The following NOTCH2 variants were observed in gnomAD, a reference collection of about 807,000 sequenced individuals.
NOTCH2 encodes the protein notch receptor 2.
A neutral mutation model predicts 235.8 loss-of-function variants in NOTCH2; 29 were observed. That is an observed-to-expected ratio of 0.12 (90% CI 0.09 to 0.17). The LOEUF (loss-of-function observed/expected upper bound fraction) is 0.17, where lower values mean the gene tolerates loss of function less well. NOTCH2 is among the 10% of genes least tolerant of loss of function. The probability of loss-of-function intolerance (pLI) is 1.00; values close to 1 mark genes in which losing one functional copy is unlikely to be tolerated. For missense variants in NOTCH2, 2,285 were observed against 3,150.2 expected (o/e 0.73, Z 6.57); for synonymous variants, 1,086 against 1,141.5 (o/e 0.95, Z 0.98).
chr1:119,948,325 T>C, intron 17 of NOTCH2, 89 bp downstream of exon 17: 1 of 1,447,632 alleles, frequency 6.9e-7, no homozygotes, highest in East Asian at 2.3e-5. Flanking sequence ...ATGTCAGGCG[T>C]GAAAGGCGGC....
At chr1:119,921,125 C>T (rs1649272522) in intron 29 of NOTCH2, among the ~76,000 whole-genome samples, 1 of 152,218 alleles carries the variant, frequency 6.6e-6, no homozygotes, top group African/African-American at 2.4e-5. Flanking sequence ...CTGATATTAA[C>T]TAAAGCAATC....
At chr1:119,943,788 T>C (rs1405874831) in intron 17 of NOTCH2, among the ~76,000 whole-genome samples, 3 of 152,072 alleles carry the variant, frequency 2.0e-5, no homozygotes, top group Non-Finnish European at 4.4e-5. Context: ...CAATAAAATA[T>C]GGTCAATTAT....
chr1:120,023,409 C>T (rs1653711241), intron 2 of NOTCH2, among the ~76,000 whole-genome samples: 1 of 149,442 alleles, frequency 6.7e-6, no homozygotes, highest in South Asian at 2.2e-4. Flanking sequence ...TGCACTCCAG[C>T]CTGGGCCACA....
chr1:119,984,359 C>A (rs1493694), intron 5 of NOTCH2, among the ~76,000 whole-genome samples: 11 of 152,152 alleles, frequency 7.2e-5, no homozygotes, highest in African/African-American at 2.7e-4. Context: ...CCAACCACTA[C>A]GGGTCTTGGG....
chr1:119,981,698 G>T (rs1553201664), intron 5 of NOTCH2, among the ~76,000 whole-genome samples: 1 of 152,068 alleles, frequency 6.6e-6, no homozygotes, highest in Non-Finnish European at 1.5e-5. Flanking sequence ...CTGGGGCAAG[G>T]GTGCTTCAGG....
At chr1:120,002,288 C>T (rs1323910147) in intron 3 of NOTCH2, among the ~76,000 whole-genome samples, 19 of 151,954 alleles carry the variant, frequency 1.3e-4, no homozygotes, top group East Asian at 7.7e-4. Context: ...GTAAGAAAGG[C>T]GTTACAGTGT....
chr1:120,005,127 TTTTC>T (rs1260242609), intron 3 of NOTCH2, 198 bp downstream of exon 3: 1 of 811,894 alleles, frequency 1.2e-6, no homozygotes, highest in African/African-American at 1.7e-5. Context: ...ATTTGGTACT[TTTTC>T]TTTCTCTTTC....
At chr1:119,922,874 C>G (rs920964333) in intron 26 of NOTCH2, 96 bp from the exon 27 acceptor site, 2 of 1,470,348 alleles carry the variant, frequency 1.4e-6, no homozygotes, top group African/African-American at 1.4e-5. Flanking sequence ...TGACAGGAGC[C>G]TCCCTTCCTC....
At chr1:120,017,538 G>A (rs1296517806) in intron 2 of NOTCH2, among the ~76,000 whole-genome samples, 14 of 152,108 alleles carry the variant, frequency 9.2e-5, no homozygotes, top group Admixed American at 3.3e-4. Flanking sequence ...TCAAAATGAA[G>A]GGCTCTGTGG....
intron 11 of NOTCH2, among the ~76,000 whole-genome samples, chr1:119,960,761 T>G (rs1553198902): frequency 6.6e-6 from 1 of 151,944 alleles, no homozygotes; most frequent in East Asian, 1.9e-4. Flanking sequence ...GCAACCTCAA[T>G]ATCCCTGACT....
At position 119,916,213 on chromosome 1, in the gene NOTCH2, A is replaced by G; in HGVS notation, c.6509T>C (p.Ile2170Thr). ...YVSDTTSSPMITSPGILQASP... is the reference protein window; with the variant it reads ...YVSDTTSSPMTTSPGILQASP... ...GGCCTGTAAGATCCCAGGGGATGTA[A>G]TCATTGGAGAGGATGTGGTGTCGGA... Residue 2170 changes from isoleucine (I) to threonine (T), a missense_variant, in exon 34 of 34, where the codon ATT (isoleucine) becomes ACT (threonine). Physicochemically the swap from Ile to Thr is moderately conservative, Grantham distance 89. This residue lies in a region of NOTCH2 where 504 missense variants were observed against 538.0 expected (regional missense o/e 0.94). Transcript: ENST00000256646. 4 of 1,614,248 alleles carry G rather than the reference A, an allele frequency of 2.5e-6. No individual in the cohort carries two copies. The highest frequency in any genetic ancestry group is 3.4e-6 in the Non-Finnish European group (4 of 1,180,042).
In NOTCH2 at chr1:119,913,797, T is replaced by C. The variant is rs587668881; in HGVS notation, c.*1509A>G. 3 of 233,132 alleles carry C rather than the reference T, an allele frequency of 1.3e-5. No individual in the cohort carries two copies. In the South Asian group the frequency reaches 5.4e-4, roughly 42 times the overall value. 14.4% of individuals were successfully genotyped at this position (233,132 alleles called of 1,614,324 possible). ...ACGTTAGTTGCCAAAGGGAATGTCA[T>C]GGCCGCTTCAGAGGAAAAGAAATGG... On this transcript the variant is annotated 3_prime_UTR_variant, in exon 34 of 34. Coordinates refer to ENST00000256646, the MANE Select transcript of NOTCH2 (RefSeq NM_024408.4).
At chr1:120,009,537 T>C (rs587705950) in intron 2 of NOTCH2, among the ~76,000 whole-genome samples, 91 of 152,248 alleles carry the variant, frequency 6.0e-4, no homozygotes, top group South Asian at 1.2e-3. Context: ...TAGCCTAATT[T>C]CAGATATTTC....
At chr1:119,951,317 A>AT (rs1435907084) in intron 14 of NOTCH2, among the ~76,000 whole-genome samples, 7 of 151,896 alleles carry the variant, frequency 4.6e-5, no homozygotes, top group Non-Finnish European at 8.8e-5. Context: ...TGCCCACTTG[A>AT]TTTTTTAAAT....
At chr1:119,920,135 G>A (rs1649231671) in intron 30 of NOTCH2, 94 bp downstream of exon 30, 1 of 1,375,774 alleles carries the variant, frequency 7.3e-7, no homozygotes, top group Non-Finnish European at 1.0e-6. Context: ...AATTGGGAAG[G>A]GGTTTATGAC....
intron 3 of NOTCH2, 50 bp from the exon 4 acceptor site, chr1:119,997,382 GC>G (rs1553204383): frequency 6.5e-7 from 1 of 1,528,548 alleles, no homozygotes; most frequent in Non-Finnish European, 9.1e-7. Context: ...ATAGGAGATG[GC>G]CCCATCCTCA....
chr1:119,913,365 A>T lies in NOTCH2; in HGVS notation c.*1941T>A, dbSNP rs1307880479. ...TTTCCATATGGGGCCACCGACAGAC[A>T]AATCAGGTAAGTGGGAAGCACTGAT... On this transcript the variant is annotated 3_prime_UTR_variant, in exon 34 of 34. Transcript: ENST00000256646. 1 of 233,206 alleles carries T rather than the reference A, an allele frequency of 4.3e-6. No individual in the cohort carries two copies. The highest frequency in any genetic ancestry group is 2.2e-5 in the African/African-American group (1 of 45,340). The allele number at this position is 233,206 out of a possible 1,614,324, so 14.4% of individuals were successfully genotyped here.
chr1:119,950,570 C>T (rs1289041633), intron 15 of NOTCH2, 154 bp downstream of exon 15: 4 of 713,868 alleles, frequency 5.6e-6, no homozygotes, highest in Non-Finnish European at 1.0e-5. Context: ...TTCCTCAAAG[C>T]TCAAGATCCA....
intron 19 of NOTCH2, among the ~76,000 whole-genome samples, chr1:119,940,097 A>G (rs1193717802): frequency 6.6e-6 from 1 of 152,216 alleles, no homozygotes; most frequent in Non-Finnish European, 1.5e-5. Context: ...GTGTATTTAC[A>G]TATTTGAACT....
Sources: gnomAD v4.1 joint callset for allele counts (sites outside exome capture counted in the v4.1 genomes callset) on GRCh38, gnomAD v4.1.1 for gene constraint, gnomAD v4.1.1 regional missense constraint, MANE v1.5 for transcripts, NCBI Gene and HGNC (gene_info 2026-07-23, HGNC 2026-07-21) for gene names.